Variants in POU6F2 observed in about 807,000 individuals in gnomAD.
The protein encoded by POU6F2 is POU class 6 homeobox 2.
POU6F2 carries 31 observed loss-of-function variants against 71.3 expected under a neutral mutation model. The ratio of observed to expected loss-of-function variants is 0.43; its 90% confidence interval spans 0.33 to 0.59. POU6F2 has a LOEUF of 0.59. Among genes scored for constraint, POU6F2 ranks in the 20% least tolerant of loss-of-function variants. POU6F2 has a pLI of 0.04. For synonymous variants in POU6F2, 347 were observed against 355.7 expected (o/e 0.98, Z 0.27); for missense variants, 783 against 856.8 (o/e 0.91, Z 1.07).
chr7:39,170,811 A>G lies in POU6F2; in HGVS notation c.278-33424A>G, dbSNP rs1345964243. Among the ~76,000 whole-genome samples the G allele has an allele frequency of 2.0e-5, 3 of 152,078 alleles. 1 individual carries two copies. Among genetic ancestry groups the G allele is most frequent in the African/African-American group, 7.2e-5 (3 of 41,444 alleles). On this transcript the variant is annotated intron_variant, in intron 2 of 9. Transcript: ENST00000518318. ...TCCCAATTACCCTGATGTGATCATT[A>G]CACATTGTATACATGTATCAAAATA...
chr7:39,164,082 G>T (rs1268548108), intron 2 of POU6F2, among the ~76,000 whole-genome samples: 3 of 151,806 alleles, frequency 2.0e-5, no homozygotes, highest in Non-Finnish European at 4.4e-5. Context: ...TGCTAAGAGG[G>T]TAAATTTTTA....
intron 1 of POU6F2, among the ~76,000 whole-genome samples, chr7:39,054,965 C>G (rs1252573179): frequency 6.6e-6 from 1 of 151,848 alleles, no homozygotes. Flanking sequence ...ACTGAAGAGT[C>G]ATAAGCAGGG....
intron 4 of POU6F2, among the ~76,000 whole-genome samples, chr7:39,264,031 A>G (rs1364586527): frequency 6.6e-6 from 1 of 152,216 alleles, no homozygotes; most frequent in Non-Finnish European, 1.5e-5. Context: ...AAGGACTGGC[A>G]TTAGGAGGTA....
At chr7:39,439,507 G>C (rs1198186758) in intron 7 of POU6F2, among the ~76,000 whole-genome samples, 1 of 152,084 alleles carries the variant, frequency 6.6e-6, no homozygotes, top group Non-Finnish European at 1.5e-5. Flanking sequence ...TTGTTTTCTT[G>C]AAACAGATTT....
intron 5 of POU6F2, among the ~76,000 whole-genome samples, chr7:39,346,134 CA>C (rs1786029343): frequency 6.6e-6 from 1 of 152,132 alleles, no homozygotes; most frequent in Non-Finnish European, 1.5e-5. Flanking sequence ...ACTGGCATTT[CA>C]AAGAATTTAT....
intron 4 of POU6F2, among the ~76,000 whole-genome samples, chr7:39,232,831 T>G (rs4398807): frequency 0.53 from 81,034 of 152,046 alleles, 22,193 homozygotes; most frequent in East Asian, 0.84. Context: ...ATCTTCTGAT[T>G]TGGGATCAAT....
chr7:39,270,489 A>G lies in POU6F2; in HGVS notation c.598+62869A>G, dbSNP rs545164701. On this transcript the variant is annotated intron_variant, in intron 4 of 9. Transcript: ENST00000518318. Reference sequence around the variant, plus strand: ...TATATTGCCTCAAGGAAATGGATTTAGTAAATGGCAGTTGTTATTATTGTT... The same window carrying G: ...TATATTGCCTCAAGGAAATGGATTTGGTAAATGGCAGTTGTTATTATTGTT... Among the ~76,000 whole-genome samples, 19 of 152,348 alleles carry G rather than the reference A, an allele frequency of 1.2e-4. 1 individual carries two copies. The South Asian group carries it at 3.9e-3, about 32-fold the overall frequency.
chr7:39,144,816 A>G (rs1792581554), intron 2 of POU6F2, among the ~76,000 whole-genome samples: 1 of 152,212 alleles, frequency 6.6e-6, no homozygotes. Context: ...TTCTTCTTCC[A>G]GGGCATTAGA....
Position 39,379,189 on chromosome 7 carries a change from A to C in POU6F2, c.973-27411A>C, listed in dbSNP as rs1377569172. ...ACAAGCTGAGTTTTAGGTGCTGCGC[A>C]TCATTCTCGTGGAAATACACAACAG... On this transcript the variant is annotated intron_variant, in intron 5 of 9. Coordinates refer to ENST00000518318, the MANE Select transcript of POU6F2 (RefSeq NM_001370959.1). Among the ~76,000 whole-genome samples the C allele has an allele frequency of 5.3e-5, 8 of 152,322 alleles. No homozygotes were observed. The East Asian group carries it at 1.4e-3, about 26-fold the overall frequency.
At chr7:39,162,117 G>A (rs1181979521) in intron 2 of POU6F2, among the ~76,000 whole-genome samples, 5 of 152,126 alleles carry the variant, frequency 3.3e-5, no homozygotes, top group African/African-American at 1.2e-4. Context: ...TGTGGTCAGG[G>A]GCTGTGGATA....
chr7:39,014,717 G>A (rs1004779290), intron 1 of POU6F2, among the ~76,000 whole-genome samples: 1 of 152,006 alleles, frequency 6.6e-6, no homozygotes, highest in Admixed American at 6.6e-5. Context: ...AAAATTGCAA[G>A]ATTTTTTTTT....
At chr7:39,189,139 A>G (rs1793605431) in intron 2 of POU6F2, among the ~76,000 whole-genome samples, 1 of 152,154 alleles carries the variant, frequency 6.6e-6, no homozygotes, top group African/African-American at 2.4e-5. Context: ...ATATTGTCCC[A>G]CTGAGCACAA....
intron 4 of POU6F2, among the ~76,000 whole-genome samples, chr7:39,257,389 G>T (rs1562765943): frequency 1.2e-5 from 1 of 85,138 alleles, no homozygotes; most frequent in Non-Finnish European, 2.4e-5. Context: ...TTCCATTTTT[G>T]AAGGGAAAAA....
chr7:39,413,093 C>T (rs1264938480), intron 6 of POU6F2, among the ~76,000 whole-genome samples: 1 of 151,452 alleles, frequency 6.6e-6, no homozygotes, highest in East Asian at 1.9e-4. Flanking sequence ...CGTGAGCCAC[C>T]GCGCCCGGCC....
intron 4 of POU6F2, among the ~76,000 whole-genome samples, chr7:39,258,503 A>G (rs1784068530): frequency 6.6e-6 from 1 of 152,334 alleles, no homozygotes; most frequent in African/African-American, 2.4e-5. Context: ...CCTGTATATG[A>G]TAAATTAATC....
At chr7:39,010,954 A>G (rs1789263205) in intron 1 of POU6F2, among the ~76,000 whole-genome samples, 1 of 150,050 alleles carries the variant, frequency 6.7e-6, no homozygotes, top group Admixed American at 6.6e-5. Context: ...GTATGTGGTC[A>G]ATTTTGGAAT....
intron 2 of POU6F2, among the ~76,000 whole-genome samples, chr7:39,118,416 A>G (rs1012544579): frequency 6.6e-6 from 1 of 151,568 alleles, no homozygotes; most frequent in Admixed American, 6.6e-5. Flanking sequence ...AACTTGGAGA[A>G]AAAAAAATCC....
intron 2 of POU6F2, among the ~76,000 whole-genome samples, chr7:39,201,022 G>A (rs6955746): frequency 0.37 from 56,600 of 151,852 alleles, 10,863 homozygotes; most frequent in South Asian, 0.49. Flanking sequence ...GTGAGATACT[G>A]TCTCTCTCAA....
At chr7:39,267,292 C>T (rs1011468216) in intron 4 of POU6F2, among the ~76,000 whole-genome samples, 4 of 152,190 alleles carry the variant, frequency 2.6e-5, no homozygotes, top group African/African-American at 9.7e-5. Flanking sequence ...ATTCTCTGCT[C>T]TTCAGATATA....
Sources: allele counts gnomAD v4.1 joint callset (sites outside exome capture counted in the v4.1 genomes callset), GRCh38; gene constraint gnomAD v4.1.1; transcripts MANE v1.5; gene names NCBI Gene and HGNC (gene_info 2026-07-23, HGNC 2026-07-21).